Variants in C7orf78 observed in about 807,000 individuals in gnomAD.
C7orf78 encodes the protein putative uncharacterized protein C7orf78.
At chr7:12,531,793 CAT>C in the C7orf78 span, among the ~76,000 whole-genome samples, 2 of 152,046 alleles carry the variant, frequency 1.3e-5, no homozygotes, top group Admixed American at 1.3e-4. Context: ...GACACAGACA[CAT>C]GTGGGTGGGT....
chr7:12,486,508 TCTC>T, the C7orf78 span, among the ~76,000 whole-genome samples: 5 of 152,010 alleles, frequency 3.3e-5, no homozygotes, highest in Non-Finnish European at 7.4e-5. Context: ...TTATGAATAA[TCTC>T]CTAGACAATG....
chr7:12,500,374 G>A, the C7orf78 span, among the ~76,000 whole-genome samples: 13,079 of 148,544 alleles, frequency 0.088, 714 homozygotes, highest in Non-Finnish European at 0.12. Context: ...TCAAATAGAC[G>A]CAATAAAAAA....
the C7orf78 span, among the ~76,000 whole-genome samples, chr7:12,512,802 T>C: frequency 6.6e-6 from 1 of 152,140 alleles, no homozygotes; most frequent in Admixed American, 6.5e-5. Context: ...AATCCATCAG[T>C]CTTTGTATTT....
chr7:12,499,823 C>T, the C7orf78 span, among the ~76,000 whole-genome samples: 2 of 149,010 alleles, frequency 1.3e-5, no homozygotes, highest in African/African-American at 2.5e-5. Flanking sequence ...TGACCACATA[C>T]TTGGAAGTAA....
chr7:12,493,801 T>C, the C7orf78 span, among the ~76,000 whole-genome samples: 1 of 152,334 alleles, frequency 6.6e-6, no homozygotes, highest in Non-Finnish European at 1.5e-5. Context: ...ATAAAATACC[T>C]AGAACAGTGC....
At chr7:12,493,281 T>A in the C7orf78 span, among the ~76,000 whole-genome samples, 2 of 152,202 alleles carry the variant, frequency 1.3e-5, no homozygotes, top group Non-Finnish European at 2.9e-5. Context: ...TAAATTGCTA[T>A]TAAAGTAGAT....
chr7:12,520,792 G>A, the C7orf78 span, among the ~76,000 whole-genome samples: 4 of 152,078 alleles, frequency 2.6e-5, no homozygotes, highest in Non-Finnish European at 5.9e-5. Context: ...ATTTTGTCTA[G>A]AAGTTCTGTT....
the C7orf78 span, among the ~76,000 whole-genome samples, chr7:12,485,833 C>T: frequency 2.0e-5 from 3 of 150,508 alleles, no homozygotes; most frequent in Non-Finnish European, 3.0e-5. Context: ...ATAATTTGCA[C>T]GTCATAGGGC....
At chr7:12,528,821 C>T in the C7orf78 span, 1 of 396,866 alleles carries the variant, frequency 2.5e-6, no homozygotes, top group Non-Finnish European at 4.4e-6. Flanking sequence ...GTCCTGATCT[C>T]CAAAAATGAT....
the C7orf78 span, among the ~76,000 whole-genome samples, chr7:12,492,699 T>C: frequency 1.3e-5 from 2 of 152,184 alleles, no homozygotes; most frequent in Non-Finnish European, 2.9e-5. Context: ...CAACAACAGG[T>C]ATCTTAACTT....
chr7:12,484,658 G>A, the C7orf78 span, among the ~76,000 whole-genome samples: 1 of 152,058 alleles, frequency 6.6e-6, no homozygotes, highest in Non-Finnish European at 1.5e-5. Context: ...GTGATTACAT[G>A]CATGCTGTCA....
chr7:12,517,247 G>A, the C7orf78 span, among the ~76,000 whole-genome samples: 108 of 152,206 alleles, frequency 7.1e-4, 3 homozygotes, highest in South Asian at 0.02. Context: ...GTCCGCTTTT[G>A]CATCTTTCTC....
chr7:12,518,639 A>G, the C7orf78 span, among the ~76,000 whole-genome samples: 1 of 152,078 alleles, frequency 6.6e-6, no homozygotes, highest in African/African-American at 2.4e-5. Flanking sequence ...TAGGTGGTGG[A>G]ATAGATAGAA....
chr7:12,500,683 CT>C, the C7orf78 span, among the ~76,000 whole-genome samples: 2 of 152,086 alleles, frequency 1.3e-5, no homozygotes, highest in South Asian at 4.2e-4. Context: ...CCTTCTGAAA[CT>C]ATTCCAGTCA....
At chr7:12,483,629 G>A in the C7orf78 span, 4 of 151,272 alleles carry the variant, frequency 2.6e-5, no homozygotes, top group Admixed American at 1.3e-4. Context: ...CAGCCCTTTG[G>A]AAGCCTGAGG....
At chr7:12,517,805 T>C in the C7orf78 span, among the ~76,000 whole-genome samples, 1 of 152,182 alleles carries the variant, frequency 6.6e-6, no homozygotes, top group Non-Finnish European at 1.5e-5. Flanking sequence ...GATTTCTTTG[T>C]ATTGTTTTTC....
At chr7:12,513,697 G>A in the C7orf78 span, among the ~76,000 whole-genome samples, 1 of 152,164 alleles carries the variant, frequency 6.6e-6, no homozygotes, top group Non-Finnish European at 1.5e-5. Context: ...TCCAAGTGCT[G>A]ATAAGAAGAA....
At chr7:12,536,840 C>G in the C7orf78 span, among the ~76,000 whole-genome samples, 12 of 152,152 alleles carry the variant, frequency 7.9e-5, no homozygotes, top group Non-Finnish European at 1.5e-4. Context: ...TTGGCTAAAA[C>G]ATGACAACAG....
At chr7:12,505,553 GTGGAGA>G in the C7orf78 span, among the ~76,000 whole-genome samples, 1 of 152,090 alleles carries the variant, frequency 6.6e-6, no homozygotes, top group Non-Finnish European at 1.5e-5. Context: ...ACTATCTTAG[GTGGAGA>G]ATAACTCTGC....
Sources: allele counts gnomAD v4.1 joint callset (sites outside exome capture counted in the v4.1 genomes callset), GRCh38; gene constraint gnomAD v4.1.1; transcripts MANE v1.5; gene names NCBI Gene and HGNC (gene_info 2026-07-23, HGNC 2026-07-21).